The following RFWD3 variants were observed in gnomAD, a reference collection of about 807,000 sequenced individuals.
RFWD3 encodes E3 ubiquitin-protein ligase RFWD3.
RFWD3 carries 65 observed loss-of-function variants against 87.7 expected under a neutral mutation model. The observed-to-expected ratio is 0.74, with a 90% confidence interval of 0.61 to 0.91. RFWD3 has a LOEUF of 0.91. RFWD3 is among the 40% of genes least tolerant of loss of function. The pLI is 0.00. For missense variants in RFWD3, 1,078 were observed against 938.5 expected (o/e 1.15, Z -1.94); for synonymous variants, 433 against 352.8 (o/e 1.23, Z -2.55).
chr16:74,658,446 T>C (rs566769659), intron 2 of RFWD3, among the ~76,000 whole-genome samples: 19 of 152,346 alleles, frequency 1.2e-4, no homozygotes, highest in African/African-American at 4.6e-4. Flanking sequence ...TCAAAAGCTG[T>C]TCACCTTGGC....
intron 3 of RFWD3, among the ~76,000 whole-genome samples, chr16:74,650,114 T>C (rs1242027282): frequency 6.6e-6 from 1 of 152,216 alleles, no homozygotes; most frequent in Non-Finnish European, 1.5e-5. Flanking sequence ...ATAAACTATG[T>C]TGGTTTACTG....
chr16:74,631,463 ACTCT>A (rs56056110), intron 9 of RFWD3, among the ~76,000 whole-genome samples: 2 of 150,160 alleles, frequency 1.3e-5, no homozygotes, highest in African/African-American at 2.5e-5. Context: ...ACAGAGTGAG[ACTCT>A]CTCTCTCTCT....
chr16:74,624,479 T>C (rs1031162945), intron 12 of RFWD3, among the ~76,000 whole-genome samples: 6 of 152,230 alleles, frequency 3.9e-5, no homozygotes, highest in African/African-American at 1.4e-4. Flanking sequence ...TACTGCAACA[T>C]CTGCCTCCTG....
At chr16:74,650,035 A>C (rs1383350778) in intron 3 of RFWD3, among the ~76,000 whole-genome samples, 2 of 152,238 alleles carry the variant, frequency 1.3e-5, no homozygotes, top group Non-Finnish European at 2.9e-5. Flanking sequence ...TTGCATCTGC[A>C]GCCCTGGGCA....
rs756952497 is a variant in RFWD3 at position 74,644,398 on chromosome 16, C to G, written c.1043G>C (p.Arg348Thr). 5.6e-6 allele frequency: 9 copies of G among 1,614,190 alleles called. No homozygotes were observed. The highest frequency in any genetic ancestry group is 2.2e-5 in the South Asian group (2 of 91,086). ...CTCCTGTTCACTAGTGTCCAAAGCT[C>G]TCAGGGTTCGGGCATAAAGGACGAC... ...DIVVLYARTL[R>T]ALDTSEQERM... Residue 348 changes from arginine to threonine, a missense_variant, in exon 6 of 13, where the codon AGA (arginine) becomes ACA (threonine). Coordinates refer to ENST00000361070, the MANE Select transcript of RFWD3 (RefSeq NM_018124.4).
At chr16:74,652,799 T>G (rs1567583103) in intron 2 of RFWD3, among the ~76,000 whole-genome samples, 1 of 152,092 alleles carries the variant, frequency 6.6e-6, no homozygotes, top group Non-Finnish European at 1.5e-5. Context: ...CAAGGCATAC[T>G]CCAGTTTGAG....
Position 74,649,148 on chromosome 16 carries a change from T to C in RFWD3, c.776A>G (p.Lys259Arg). 6.4e-7 allele frequency: 1 copy of C among 1,572,040 alleles called. No individual in the cohort carries two copies. Among genetic ancestry groups the C allele is most frequent in the East Asian group, 2.4e-5 (1 of 42,324 alleles). The change falls in exon 4 of 13, where the codon AAG (lysine) becomes AGG (arginine). Residue 259 changes from lysine (K) to arginine (R), a missense_variant. By Grantham distance (26) the Lys-to-Arg change is conservative. Transcript: ENST00000361070. ...TCATATTACCTGTTTGGGGAGGGTCTTGCCTCCATCGATACATGTAACTTC... is the reference window on the plus strand; with the variant it reads ...TCATATTACCTGTTTGGGGAGGGTCCTGCCTCCATCGATACATGTAACTTC... Reference protein sequence around the residue: ...EQEVTCIDGGKTLPKQPSPQK... With the variant: ...EQEVTCIDGGRTLPKQPSPQK...
chr16:74,637,833 T>C (rs376045953), intron 7 of RFWD3, 23 bp downstream of exon 7: 7 of 1,562,062 alleles, frequency 4.5e-6, no homozygotes, highest in African/African-American at 1.4e-5. Context: ...AAAAGTTCTT[T>C]GGATTAGAAA....
At chr16:74,636,711 A>T in intron 7 of RFWD3, 134 bp from the exon 8 acceptor site, 2 of 720,076 alleles carry the variant, frequency 2.8e-6, no homozygotes, top group South Asian at 1.9e-5. Flanking sequence ...AGAGAACTGC[A>T]GAGTTTTTGT....
chr16:74,638,010 G>C (rs779119344), intron 6 of RFWD3, 40 bp from the exon 7 acceptor site: 35 of 1,392,602 alleles, frequency 2.5e-5, no homozygotes, highest in African/African-American at 9.9e-5. Flanking sequence ...GATTAGGAAG[G>C]CTACAGAAGA....
Position 74,630,774 on chromosome 16 carries a change from T to G in RFWD3, c.1754+7A>C. 6.3e-7 allele frequency: 1 copy of G among 1,586,896 alleles called. No individual in the cohort carries two copies. Among genetic ancestry groups the G allele is most frequent in the Non-Finnish European group, 8.6e-7 (1 of 1,167,738 alleles). On this transcript the variant is annotated splice_region_variant and intron_variant, in intron 10 of 12. Transcript: ENST00000361070. ...TACCACCAGGAAAAGAGTGAGTGGC[T>G]CCCTACCTGGCTTTCTGAGCTACTA...
chr16:74,637,561 A>C (rs1050727494), intron 7 of RFWD3, among the ~76,000 whole-genome samples: 1 of 152,160 alleles, frequency 6.6e-6, no homozygotes, highest in East Asian at 1.9e-4. Context: ...TGAACCCAGG[A>C]GACAGAGGTT....
intron 7 of RFWD3, 84 bp downstream of exon 7, chr16:74,637,772 G>C (rs576733433): frequency 5.1e-6 from 5 of 985,184 alleles, no homozygotes; most frequent in Admixed American, 4.2e-5. Flanking sequence ...AATCCTATTT[G>C]TTTCTGAGAT....
chr16:74,664,582 AC>A (rs1469228181), intron 1 of RFWD3: 1 of 152,210 alleles, frequency 6.6e-6, no homozygotes, highest in Non-Finnish European at 1.5e-5. Context: ...CCCCGTCTCT[AC>A]AAAAAATACA....
intron 2 of RFWD3, among the ~76,000 whole-genome samples, chr16:74,657,478 CTTTT>C (rs386385075): frequency 1.6e-5 from 2 of 122,710 alleles, no homozygotes; most frequent in African/African-American, 2.8e-5. Context: ...TTTTCTTTTT[CTTTT>C]TTTTTTTTTT....
chr16:74,659,695 C>T (rs527935516), intron 2 of RFWD3, among the ~76,000 whole-genome samples: 24 of 152,228 alleles, frequency 1.6e-4, no homozygotes, highest in African/African-American at 5.1e-4. Context: ...ACACTGGAGC[C>T]ACAGTCATGG....
At chr16:74,660,833 C>A (rs79470274) in intron 2 of RFWD3, 99 bp downstream of exon 2, 191,125 of 1,395,936 alleles carry the variant, frequency 0.14, 14,461 homozygotes, top group Admixed American at 0.29. Flanking sequence ...AGTTACCTGA[C>A]TTGCCAAAAG....
In RFWD3 at chr16:74,655,309, G is replaced by A. The variant is rs966751078; in HGVS notation, c.519-3187C>T. Among the ~76,000 whole-genome samples, 56 of 151,438 alleles carry A rather than the reference G, an allele frequency of 3.7e-4. 1 individual carries two copies. Among genetic ancestry groups the A allele is most frequent in the Admixed American group, 3.4e-3 (52 of 15,190 alleles). On this transcript the variant is annotated intron_variant, in intron 2 of 12. Coordinates refer to ENST00000361070, the MANE Select transcript of RFWD3 (RefSeq NM_018124.4). ...GGTTAGAGTGCAGTGGCGTGATCTC[G>A]GCTCACTGCAAGCTCTGCCTCCCGG...
intron 8 of RFWD3, among the ~76,000 whole-genome samples, chr16:74,633,381 A>T (rs1191107955): frequency 6.6e-6 from 1 of 152,086 alleles, no homozygotes; most frequent in Non-Finnish European, 1.5e-5. Context: ...CCTACTCCAA[A>T]CATCCAGGTA....
Sources: allele counts gnomAD v4.1 joint callset (sites outside exome capture counted in the v4.1 genomes callset), GRCh38; gene constraint gnomAD v4.1.1; transcripts MANE v1.5; gene names NCBI Gene and HGNC (gene_info 2026-07-23, HGNC 2026-07-21).